The following PTPRD variants were observed in gnomAD, a reference collection of about 807,000 sequenced individuals.
PTPRD encodes protein tyrosine phosphatase receptor type D, also known as receptor-type tyrosine-protein phosphatase delta.
In PTPRD, 34 loss-of-function variants were observed where a neutral mutation model predicts 214.5. The observed-to-expected ratio is 0.16, with a 90% CI of 0.12 to 0.21. The LOEUF (loss-of-function observed/expected upper bound fraction) is 0.21. PTPRD is among the 10% of genes least tolerant of loss of function. The pLI is 1.00. For synonymous variants in PTPRD, 1,128 were observed against 845.7 expected (o/e 1.33, Z -5.79); for missense variants, 2,545 against 2,398.7 (o/e 1.06, Z -1.27).
chr9:10,222,581 G>A (rs112504223), intron 3 of PTPRD, among the ~76,000 whole-genome samples: 53 of 152,070 alleles, frequency 3.5e-4, no homozygotes, highest in African/African-American at 1.2e-3. Flanking sequence ...TCACTATTAC[G>A]TATCATCCTT....
chr9:10,228,864 G>C (rs1168336410), intron 3 of PTPRD, among the ~76,000 whole-genome samples: 1 of 151,356 alleles, frequency 6.6e-6, no homozygotes, highest in East Asian at 2.0e-4. Flanking sequence ...AAATTAAAAT[G>C]CTGCTAGCTT....
At chr9:9,252,426 TC>T in intron 9 of PTPRD, among the ~76,000 whole-genome samples, 1 of 152,188 alleles carries the variant, frequency 6.6e-6, no homozygotes, top group South Asian at 2.1e-4. Flanking sequence ...ATAACTTGTC[TC>T]CCCCATACTT....
rs530331561 is a variant in PTPRD, at chr9:9,235,908, T to A, written c.-202-52545A>T. Among the ~76,000 whole-genome samples the A allele has an allele frequency of 2.2e-4, 33 of 152,290 alleles. No homozygotes were observed. In the South Asian group the frequency reaches 5.0e-3, roughly 23 times the overall value. ...ATATTCTAAACATGGAAAGTTACCT[T>A]GCATGTCTCCATGAACTTATTAGTC... On this transcript the variant is annotated intron_variant, in intron 9 of 45. Transcript: ENST00000381196.
chr9:9,271,965 T>A (rs1943116748), intron 9 of PTPRD, among the ~76,000 whole-genome samples: 1 of 151,376 alleles, frequency 6.6e-6, no homozygotes, highest in Admixed American at 6.6e-5. Context: ...TATATTGCAT[T>A]ATTATTTCTT....
chr9:10,150,068 A>G (rs773686033), intron 3 of PTPRD, among the ~76,000 whole-genome samples: 6 of 152,164 alleles, frequency 3.9e-5, no homozygotes, highest in Non-Finnish European at 8.8e-5. Context: ...TCAGGAAAAA[A>G]GCTACCTATA....
intron 8 of PTPRD, among the ~76,000 whole-genome samples, chr9:9,565,549 C>T (rs897771461): frequency 2.6e-5 from 4 of 151,586 alleles, no homozygotes; most frequent in African/African-American, 7.3e-5. Context: ...ATTTATATTG[C>T]AAGACTTTAT....
intron 10 of PTPRD, among the ~76,000 whole-genome samples, chr9:9,097,625 T>C (rs112501749): frequency 0.14 from 21,614 of 151,864 alleles, 1,808 homozygotes; most frequent in East Asian, 0.23. Flanking sequence ...TCAGCCAGGA[T>C]GGTCTCAATC....
chr9:9,081,207 T>C (rs755038534), intron 10 of PTPRD, among the ~76,000 whole-genome samples: 10 of 152,152 alleles, frequency 6.6e-5, no homozygotes, highest in Non-Finnish European at 1.3e-4. Context: ...TTTGTTCTCA[T>C]TGGTTTTAAA....
At position 8,636,767 on chromosome 9, in the gene PTPRD, T is replaced by C. The variant is rs759595580; in HGVS notation, c.142A>G (p.Thr48Ala). 48 of 1,614,114 alleles carry C rather than the reference T, an allele frequency of 3.0e-5. No individual in the cohort carries two copies. The South Asian group carries it at 5.2e-4, about 17-fold the overall frequency. ...GGVASFICQATGDPRPKIVWN... is the reference protein window; with the variant it reads ...GGVASFICQAAGDPRPKIVWN... Reference sequence around the variant, plus strand: ...ACAATTTTAGGTCTTGGGTCTCCCGTAGCTTGGCAGATGAAAGAGGCAACT... The same window carrying C: ...ACAATTTTAGGTCTTGGGTCTCCCGCAGCTTGGCAGATGAAAGAGGCAACT... Residue 48 changes from threonine to alanine, a missense_variant, in exon 13 of 46, where the codon ACG becomes GCG. Thr to Ala is a moderately conservative substitution (Grantham distance 58, BLOSUM62 0). Transcript: ENST00000381196.
At chr9:10,177,026 C>G (rs1462195242) in intron 3 of PTPRD, among the ~76,000 whole-genome samples, 2 of 151,780 alleles carry the variant, frequency 1.3e-5, no homozygotes, top group African/African-American at 4.8e-5. Flanking sequence ...CATGTTACAA[C>G]CAGCATGCTA....
At chr9:10,556,154 T>G (rs1247550309) in intron 2 of PTPRD, among the ~76,000 whole-genome samples, 2 of 152,056 alleles carry the variant, frequency 1.3e-5, no homozygotes, top group African/African-American at 4.8e-5. Flanking sequence ...GTTTACTCAA[T>G]AGTATTTTTG....
intron 5 of PTPRD, among the ~76,000 whole-genome samples, chr9:9,804,352 G>A (rs1452825660): frequency 6.6e-6 from 1 of 152,038 alleles, no homozygotes; most frequent in African/African-American, 2.4e-5. Context: ...TCCAGCCACT[G>A]AATCACACAT....
chr9:9,449,360 T>C (rs1289800734), intron 8 of PTPRD, among the ~76,000 whole-genome samples: 4 of 152,080 alleles, frequency 2.6e-5, no homozygotes, highest in African/African-American at 7.2e-5. Context: ...CAATTCTCCA[T>C]CTTGTACATT....
intron 11 of PTPRD, among the ~76,000 whole-genome samples, chr9:8,810,910 G>A (rs761297631): frequency 6.6e-6 from 1 of 152,134 alleles, no homozygotes; most frequent in African/African-American, 2.4e-5. Flanking sequence ...TCCCTTGTTG[G>A]CTATGAGTTC....
intron 10 of PTPRD, among the ~76,000 whole-genome samples, chr9:9,068,457 A>G (rs1346508000): frequency 1.3e-5 from 2 of 152,076 alleles, no homozygotes; most frequent in Non-Finnish European, 2.9e-5. Flanking sequence ...CTTTCCACCA[A>G]CAATGCATAT....
intron 14 of PTPRD, among the ~76,000 whole-genome samples, chr9:8,613,348 T>C (rs887341655): frequency 6.6e-6 from 1 of 152,176 alleles, no homozygotes; most frequent in African/African-American, 2.4e-5. Context: ...ATCCCTGACA[T>C]TAATGCTAAG....
intron 9 of PTPRD, among the ~76,000 whole-genome samples, chr9:9,288,439 A>C (rs958637490): frequency 6.6e-6 from 1 of 151,894 alleles, no homozygotes; most frequent in African/African-American, 2.4e-5. Context: ...ATACTTAAAA[A>C]ACACGTAAAG....
chr9:9,279,657 G>C (rs958612387), intron 9 of PTPRD, among the ~76,000 whole-genome samples: 3 of 150,508 alleles, frequency 2.0e-5, no homozygotes, highest in Admixed American at 1.3e-4. Flanking sequence ...TTTTCAAGAA[G>C]AGAATGTTTA....
chr9:9,092,253 T>C (rs1173725173), intron 10 of PTPRD, among the ~76,000 whole-genome samples: 1 of 152,152 alleles, frequency 6.6e-6, no homozygotes, highest in Non-Finnish European at 1.5e-5. Context: ...TACTGGAAAC[T>C]AAAGTAGACA....
Sources: allele counts gnomAD v4.1 joint callset (sites outside exome capture counted in the v4.1 genomes callset), GRCh38; gene constraint gnomAD v4.1.1; transcripts MANE v1.5; gene names NCBI Gene and HGNC (gene_info 2026-07-23, HGNC 2026-07-21).